Variants in ALMS1 observed in about 807,000 individuals in gnomAD.
ALMS1 encodes ALMS1 centrosome and basal body associated protein.
ALMS1 carries 271 observed loss-of-function variants against 352.2 expected under a neutral mutation model. The observed-to-expected ratio is 0.77, with a 90% CI of 0.70 to 0.85. The LOEUF is 0.85. Ranked by LOEUF, ALMS1 falls within the 40% of genes least tolerant of loss-of-function variation. The pLI is 0.00. For synonymous variants in ALMS1, 1,865 were observed against 1,761.2 expected, an observed-to-expected ratio of 1.06 and a Z score of -1.48; for missense variants, 5,445 against 4,870.7, an observed-to-expected ratio of 1.12 and a Z score of -3.51.
chr2:73,572,003 A>C (rs1383184438), intron 15 of ALMS1, among the ~76,000 whole-genome samples: 1 of 152,142 alleles, frequency 6.6e-6, no homozygotes, highest in Non-Finnish European at 1.5e-5. Context: ...TGGAGAACTG[A>C]AGTGCCTTCC....
intron 2 of ALMS1, among the ~76,000 whole-genome samples, chr2:73,414,776 T>A (rs992812503): frequency 6.6e-6 from 1 of 152,108 alleles, no homozygotes; most frequent in African/African-American, 2.4e-5. Flanking sequence ...TTATCTTCCT[T>A]TGTTAAACCT....
At position 73,449,307 on chromosome 2, in the gene ALMS1, T is replaced by A. The variant is rs1316759552; in HGVS notation, c.2780T>A (p.Phe927Tyr). ...CAGCAGACCCTGCCAGACTTTCTTT[T>A]CCCTGAAGAAGCTCTGAAGGTTTCA... ...FSQQTLPDFL[F>Y]PEEALKVSAV... Residue 927 changes from phenylalanine (F) to tyrosine (Y), a missense_variant, in exon 8 of 23, where the codon TTC becomes TAC. By Grantham distance (22) the Phe-to-Tyr change is conservative (BLOSUM62 3). Transcript: ENST00000613296. 3 of 1,613,918 alleles carry A rather than the reference T, an allele frequency of 1.9e-6. No homozygotes were observed. The Admixed American group carries it at 5.0e-5, about 27-fold the overall frequency.
At chr2:73,600,454 C>T (rs1675651506) in intron 17 of ALMS1, among the ~76,000 whole-genome samples, 1 of 152,184 alleles carries the variant, frequency 6.6e-6, no homozygotes, top group Non-Finnish European at 1.5e-5. Context: ...CCCTCTCATA[C>T]CTAAAATGAG....
At chr2:73,523,731 C>T (rs1213050476) in intron 11 of ALMS1, among the ~76,000 whole-genome samples, 1 of 151,978 alleles carries the variant, frequency 6.6e-6, no homozygotes, top group African/African-American at 2.4e-5. Flanking sequence ...CGTGCCAGTG[C>T]ACTCCAGCCT....
chr2:73,527,921 T>C (rs1280249489), intron 11 of ALMS1, among the ~76,000 whole-genome samples: 1 of 152,152 alleles, frequency 6.6e-6, no homozygotes, highest in Non-Finnish European at 1.5e-5. Context: ...GGTTTTGCTG[T>C]ATCCCGTAGG....
At position 73,573,323 on chromosome 2, in the gene ALMS1, C is replaced by T. The variant is rs940576720; in HGVS notation, c.11446C>T (p.Gln3816Ter). The change falls in exon 16 of 23, where the codon CAG becomes TAG. Residue 3816 changes from glutamine to a stop codon, truncating the protein, a stop_gained. Coordinates refer to ENST00000613296, the MANE Select transcript of ALMS1 (RefSeq NM_001378454.1). LOFTEE classifies it high-confidence loss of function. ...ATTATATAGCAGCATCACCAACCAA[C>T]AGAGGAGATACCTTGAGAAGCGGAG... ...IKLYSSITNQ[Q>*]RRYLEKRSKH... 4.2e-5 allele frequency: 68 copies of T among 1,614,102 alleles called. No individual in the cohort carries two copies. Among genetic ancestry groups the T allele is most frequent in the Non-Finnish European group, 5.5e-5 (65 of 1,179,998 alleles).
rs980189754 is a variant in ALMS1, at chr2:73,452,257, G to T, written c.5730G>T (p.Leu1910Phe). 6.2e-7 allele frequency: 1 copy of T among 1,614,046 alleles called. No individual in the cohort carries two copies. The highest frequency in any genetic ancestry group is 8.5e-7 in the Non-Finnish European group (1 of 1,179,998). ...EKASIFHQQE[L>F]PDVTEEALNV... ...CCAGTATTTTTCATCAGCAGGAGTT[G>T]CCAGATGTTACTGAAGAAGCTTTAA... Residue 1910 changes from leucine to phenylalanine, a missense_variant, in exon 8 of 23, where the codon TTG (leucine) becomes TTT (phenylalanine). Physicochemically the swap from Leu to Phe is conservative, Grantham distance 22 (BLOSUM62 0). Coordinates refer to ENST00000613296, the MANE Select transcript of ALMS1 (RefSeq NM_001378454.1).
chr2:73,605,450 A>T (rs1675795718), intron 21 of ALMS1, among the ~76,000 whole-genome samples: 1 of 152,260 alleles, frequency 6.6e-6, no homozygotes, highest in African/African-American at 2.4e-5. Context: ...TAGATAGAAG[A>T]TTCATTCAAA....
At chr2:73,460,908 T>G (rs1049161327) in intron 9 of ALMS1, among the ~76,000 whole-genome samples, 1 of 152,310 alleles carries the variant, frequency 6.6e-6, no homozygotes, top group East Asian at 1.9e-4. Flanking sequence ...CCTGCCATTG[T>G]GCAGGCTTGA....
chr2:73,602,355 G>T lies in ALMS1; in HGVS notation c.12285G>T (p.Pro4095=), dbSNP rs776912137. The stretch of plus-strand genomic sequence containing the variant: ...AGGGCCACCAGAATCGCATGTGCCC[G>T]CTGCCCAAGAGAGGTACGCCCTGCC... ...ERQGHQNRMC[P]LPKRVFLAIQ... Residue 4095 remains proline (P), a synonymous_variant, in exon 20 of 23, where the codon CCG becomes CCT. Transcript: ENST00000613296. 2 of 1,613,980 alleles carry T rather than the reference G, an allele frequency of 1.2e-6. No individual in the cohort carries two copies. Among genetic ancestry groups the T allele is most frequent in the East Asian group, 4.5e-5 (2 of 44,898 alleles).
intron 15 of ALMS1, among the ~76,000 whole-genome samples, chr2:73,560,347 T>C (rs1317454485): frequency 1.3e-5 from 2 of 152,104 alleles, no homozygotes; most frequent in Non-Finnish European, 2.9e-5. Context: ...CACAATGAGA[T>C]ATCACTCACA....
chr2:73,583,737 A>G (rs1353737243), intron 16 of ALMS1, among the ~76,000 whole-genome samples: 2 of 152,200 alleles, frequency 1.3e-5, no homozygotes, highest in African/African-American at 2.4e-5. Flanking sequence ...TTTGAAAGCT[A>G]TCCTTTTCCC....
At chr2:73,528,950 T>C (rs1673851530) in intron 11 of ALMS1, among the ~76,000 whole-genome samples, 1 of 152,092 alleles carries the variant, frequency 6.6e-6, no homozygotes, top group African/African-American at 2.4e-5. Context: ...TTCTTTTTAA[T>C]TATTTCAGTC....
Position 73,448,542 on chromosome 2 carries a change from T to G in ALMS1, c.2015T>G (p.Val672Gly), listed in dbSNP as rs2037814. Residue 672 changes from valine to glycine, a missense_variant, in exon 8 of 23, where the codon GTA (valine) becomes GGA (glycine). Coordinates refer to ENST00000613296, the MANE Select transcript of ALMS1 (RefSeq NM_001378454.1). ...PTVSSTSHSHVEDLLFFYRQT... is the reference protein window; with the variant it reads ...PTVSSTSHSHGEDLLFFYRQT... ...GTATCCTCTACATCCCACTCACATGTAGAGGACCTCCTCTTTTTCTATCGA... is the reference window on the plus strand; with the variant it reads ...GTATCCTCTACATCCCACTCACATGGAGAGGACCTCCTCTTTTTCTATCGA... The G allele has an allele frequency of 0.86, 1,392,871 of 1,613,818 alleles. 601,917 individuals are homozygous for G. Among genetic ancestry groups the G allele is most frequent in the Admixed American group, 0.94 (56,386 of 59,970 alleles).
chr2:73,554,645 G>A (rs1405908268), intron 13 of ALMS1, among the ~76,000 whole-genome samples: 3 of 152,060 alleles, frequency 2.0e-5, no homozygotes, highest in African/African-American at 7.2e-5. Flanking sequence ...CCTGGGAGGC[G>A]GAGCTTGCAG....
chr2:73,502,528 A>G (rs976940639), intron 10 of ALMS1, among the ~76,000 whole-genome samples: 1 of 152,104 alleles, frequency 6.6e-6, no homozygotes, highest in Non-Finnish European at 1.5e-5. Flanking sequence ...TTTGTCATTA[A>G]GTTTAATATT....
At chr2:73,456,095 C>CT (rs1672054188) in intron 9 of ALMS1, among the ~76,000 whole-genome samples, 1 of 152,164 alleles carries the variant, frequency 6.6e-6, no homozygotes, top group African/African-American at 2.4e-5. Flanking sequence ...CATATATTTA[C>CT]TATCGAGCTT....
chr2:73,573,687 A>G (rs1674993108), intron 16 of ALMS1: 1 of 609,582 alleles, frequency 1.6e-6, no homozygotes, highest in East Asian at 2.7e-5. Context: ...TACCCCTGAA[A>G]TGGGGGAGCT....
Position 73,609,604 on chromosome 2 carries a change from T to A in ALMS1, c.12499T>A (p.Trp4167Arg). The stretch of plus-strand genomic sequence containing the variant: ...TCAACTTCTGGGGAGAAAAGTTCCC[T>A]GGGACTGACACAAGTTTATTTTCCT... ...TNQLLGRKVP[W>R]D Residue 4167 changes from tryptophan (W) to arginine (R), a missense_variant, in exon 23 of 23, where the codon TGG (tryptophan) becomes AGG (arginine). Transcript: ENST00000613296. 1 of 1,614,068 alleles carries A rather than the reference T, an allele frequency of 6.2e-7. No homozygotes were observed. The highest frequency in any genetic ancestry group is 8.5e-7 in the Non-Finnish European group (1 of 1,179,906).
Sources: allele counts gnomAD v4.1 joint callset (sites outside exome capture counted in the v4.1 genomes callset), GRCh38; gene constraint gnomAD v4.1.1; transcripts MANE v1.5; gene names NCBI Gene and HGNC (gene_info 2026-07-23, HGNC 2026-07-21).